Variants in ARHGAP39 observed in about 807,000 individuals in gnomAD.
The protein encoded by ARHGAP39 is Rho GTPase activating protein 39, also known as rho GTPase-activating protein 39.
A neutral mutation model predicts 106.9 loss-of-function variants in ARHGAP39; 44 were observed. That is an observed-to-expected ratio of 0.41 (90% CI 0.32 to 0.53). ARHGAP39 has a LOEUF of 0.53. ARHGAP39 is among the 20% of genes least tolerant of loss of function. The pLI is 0.21. For missense variants in ARHGAP39, 1,496 were observed against 1,577.3 expected (o/e 0.95, Z 0.87); for synonymous variants, 768 against 693.2 (o/e 1.11, Z -1.69).
chr8:144,642,593 C>T (rs1821340003), intron 1 of ARHGAP39, among the ~76,000 whole-genome samples: 2 of 152,016 alleles, frequency 1.3e-5, no homozygotes, highest in Non-Finnish European at 2.9e-5. Context: ...ATAATCACCA[C>T]GTGTCATGAG....
At position 144,646,084 on chromosome 8, in the gene ARHGAP39, G is replaced by T. The variant is rs1173831515; in HGVS notation, c.-82+39602C>A. ...GCTGGGCGTCCCCCGGAGCTGCACT[G>T]GTCACCCCTCCCCACCGGTGGCACC... On this transcript the variant is annotated intron_variant, in intron 1 of 11. Transcript: ENST00000377307. This position sits in a 1 kb window ranked among gnomAD's most constrained non-coding sequence, Gnocchi z 5.7. Among the ~76,000 whole-genome samples, 3 of 152,188 alleles carry T rather than the reference G, an allele frequency of 2.0e-5. No individual in the cohort carries two copies. Among genetic ancestry groups the T allele is most frequent in the Non-Finnish European group, 4.4e-5 (3 of 68,038 alleles).
intron 1 of ARHGAP39, among the ~76,000 whole-genome samples, chr8:144,678,593 G>T (rs1000179961): frequency 1.3e-5 from 2 of 152,224 alleles, no homozygotes; most frequent in South Asian, 4.1e-4. Context: ...TGTGGAGCAT[G>T]GTCCAGGAGG....
At chr8:144,662,638 T>A (rs1387552055) in intron 1 of ARHGAP39, among the ~76,000 whole-genome samples, 1 of 144,474 alleles carries the variant, frequency 6.9e-6, no homozygotes, top group Non-Finnish European at 1.5e-5. Context: ...CCACTCCCCA[T>A]TATCCACCTT....
intron 2 of ARHGAP39, among the ~76,000 whole-genome samples, chr8:144,597,084 A>G (rs1261383437): frequency 6.6e-6 from 1 of 152,210 alleles, no homozygotes; most frequent in African/African-American, 2.4e-5. Flanking sequence ...ATCCCTGGTT[A>G]ATCTGTGCCC....
chr8:144,614,576 C>T (rs1820585814), intron 1 of ARHGAP39, among the ~76,000 whole-genome samples: 2 of 152,206 alleles, frequency 1.3e-5, no homozygotes, highest in Non-Finnish European at 1.5e-5. Context: ...TGGTCTTGAA[C>T]TCCTGGCCTC....
At chr8:144,573,330 A>G (rs1487812540) in intron 3 of ARHGAP39, among the ~76,000 whole-genome samples, 1 of 152,168 alleles carries the variant, frequency 6.6e-6, no homozygotes, top group Non-Finnish European at 1.5e-5. Context: ...GCTGGAAACC[A>G]TCATTCTGAG....
At chr8:144,627,284 G>A (rs2976597) in intron 1 of ARHGAP39, among the ~76,000 whole-genome samples, 5 of 152,070 alleles carry the variant, frequency 3.3e-5, no homozygotes, top group East Asian at 3.9e-4. Context: ...GGCCGGGCGC[G>A]GTGGCTCATG....
rs1479264617 is a variant in ARHGAP39, at chr8:144,604,541, C to T, written c.80+994G>A. 6.6e-6 allele frequency among the ~76,000 whole-genome samples: 1 copy of T among 152,140 alleles called. No individual in the cohort carries two copies. Among genetic ancestry groups the T allele is most frequent in the African/African-American group, 2.4e-5 (1 of 41,420 alleles). ...CATAGGCATCTGCCACCACATCTGG[C>T]TAATTTTTGTATTTTTTGTAGAGAT... On this transcript the variant is annotated intron_variant, in intron 2 of 11. Transcript: ENST00000377307. The surrounding 1 kb of genome is among the most constrained non-coding windows in gnomAD (Gnocchi z 4.1).
chr8:144,536,193 G>A (rs916543030), intron 7 of ARHGAP39, among the ~76,000 whole-genome samples: 1 of 152,166 alleles, frequency 6.6e-6, no homozygotes, highest in Non-Finnish European at 1.5e-5. Context: ...ATCCCCCTCC[G>A]GCTGTAGGCA....
At chr8:144,642,075 C>T (rs927231362) in intron 1 of ARHGAP39, among the ~76,000 whole-genome samples, 2 of 152,250 alleles carry the variant, frequency 1.3e-5, no homozygotes, top group Non-Finnish European at 2.9e-5. Context: ...ATGTGGCTTA[C>T]ACCTCTGATC....
In ARHGAP39 at chr8:144,581,184, G is replaced by T. The variant is rs373302242; in HGVS notation, c.174C>A (p.Gly58=). ...TCTCGCTGGTGCGCTTGATGCGGAC[G>T]CCGGCCGGCGGGTCCCACACGCACT... ...TGECVWDPPA[G]VRIKRTSENQ... The change falls in exon 3 of 12, where the codon GGC becomes GGA. Residue 58 remains glycine, a synonymous_variant. Coordinates refer to ENST00000377307, the MANE Select transcript of ARHGAP39 (RefSeq NM_025251.3). 4.6e-5 allele frequency: 72 copies of T among 1,562,592 alleles called. No individual in the cohort carries two copies. Among genetic ancestry groups the T allele is most frequent in the Non-Finnish European group, 5.5e-5 (63 of 1,154,144 alleles).
intron 2 of ARHGAP39, among the ~76,000 whole-genome samples, chr8:144,598,374 CCACATGAGGA>C (rs1381636084): frequency 6.6e-6 from 1 of 152,132 alleles, no homozygotes; most frequent in Admixed American, 6.5e-5. Context: ...TACCAAGGTG[CCACATGAGGA>C]CACATGAGCC....
chr8:144,687,848 G>A (rs970435638), upstream of ARHGAP39, among the ~76,000 whole-genome samples: 11 of 104,684 alleles, frequency 1.1e-4, no homozygotes, highest in South Asian at 3.2e-4. Context: ...CCACACACTA[G>A]CAGTGAGCAC....
Position 144,532,287 on chromosome 8 carries a change from C to CGT in ARHGAP39, c.2980+16_2980+17dup, listed in dbSNP as rs780353737. 5.6e-6 allele frequency: 9 copies of CGT among 1,610,764 alleles called. No individual in the cohort carries two copies. Among genetic ancestry groups the CGT allele is most frequent in the Non-Finnish European group, 7.6e-6 (9 of 1,178,630 alleles). On this transcript the variant is annotated intron_variant, in intron 10 of 11. Coordinates refer to ENST00000377307, the MANE Select transcript of ARHGAP39 (RefSeq NM_025251.3). ...CTGAGCCAGGCCCGCTCTGCTGCAGCGTGTGTGGGGGACTCACCAGGGACG... is the reference window on the plus strand; with the variant it reads ...CTGAGCCAGGCCCGCTCTGCTGCAGCGTGTGTGTGGGGGACTCACCAGGGACG...
In ARHGAP39 at chr8:144,541,307, G is replaced by A. The variant is rs540904171; in HGVS notation, c.2522-3494C>T. 3.9e-5 allele frequency among the ~76,000 whole-genome samples: 6 copies of A among 152,308 alleles called. No individual in the cohort carries two copies. The East Asian group carries it at 1.2e-3, about 29-fold the overall frequency. On this transcript the variant is annotated intron_variant, in intron 6 of 11. Transcript: ENST00000377307. Reference sequence around the variant, plus strand: ...ATCGGCCCAGGATTTACCGTTTGTGGTCCACATGCTCCACCTTCTAAAACA... The same window carrying A: ...ATCGGCCCAGGATTTACCGTTTGTGATCCACATGCTCCACCTTCTAAAACA...
At chr8:144,584,902 C>A (rs1273779661) in intron 2 of ARHGAP39, among the ~76,000 whole-genome samples, 3 of 152,202 alleles carry the variant, frequency 2.0e-5, no homozygotes, top group Non-Finnish European at 2.9e-5. Flanking sequence ...CAAAGCCACA[C>A]ACTCCTCTCC....
chr8:144,695,323 C>T, the ARHGAP39 span, among the ~76,000 whole-genome samples: 8 of 151,068 alleles, frequency 5.3e-5, no homozygotes, highest in Non-Finnish European at 7.4e-5. Context: ...ATCTGCCCGC[C>T]TCGGCCTCCC....
intron 3 of ARHGAP39, among the ~76,000 whole-genome samples, chr8:144,558,710 C>T (rs1335513262): frequency 6.6e-6 from 1 of 152,158 alleles, no homozygotes. Flanking sequence ...ACTCTGCTCC[C>T]TGCAAAAAGC....
chr8:144,570,410 T>A (rs577502273), intron 3 of ARHGAP39, among the ~76,000 whole-genome samples: 1 of 151,856 alleles, frequency 6.6e-6, no homozygotes, highest in Non-Finnish European at 1.5e-5. Context: ...TTACAAGAAA[T>A]AGACTGGATG....
Sources: gnomAD v4.1 joint callset for allele counts (sites outside exome capture counted in the v4.1 genomes callset) on GRCh38, gnomAD v4.1.1 for gene constraint, Gnocchi (gnomAD v3.1) non-coding constraint, MANE v1.5 for transcripts, NCBI Gene and HGNC (gene_info 2026-07-23, HGNC 2026-07-21) for gene names.